The following KIT variants were observed in gnomAD, a reference collection of about 807,000 sequenced individuals.
The protein encoded by KIT is KIT proto-oncogene, receptor tyrosine kinase.
In KIT, 16 loss-of-function variants were observed where a neutral mutation model predicts 105.7. That is an observed-to-expected ratio of 0.15 (90% CI 0.10 to 0.23). The LOEUF (loss-of-function observed/expected upper bound fraction) is 0.23, where lower values mean the gene tolerates loss of function less well. KIT is among the 10% of genes least tolerant of loss of function. KIT has a pLI of 1.00. For missense variants in KIT, 858 were observed against 1,213.8 expected, an observed-to-expected ratio of 0.71 and a Z score of 4.36; for synonymous variants, 438 against 441.1, an observed-to-expected ratio of 0.99 and a Z score of 0.09.
intron 1 of KIT, among the ~76,000 whole-genome samples, chr4:54,659,906 A>G (rs1002696476): frequency 6.6e-6 from 1 of 152,098 alleles, no homozygotes; most frequent in Non-Finnish European, 1.5e-5. Flanking sequence ...GTGTAACGAC[A>G]AAGCCTTGCT....
chr4:54,666,713 C>T (rs1038030252), intron 1 of KIT, among the ~76,000 whole-genome samples: 3 of 152,210 alleles, frequency 2.0e-5, no homozygotes, highest in Non-Finnish European at 4.4e-5. Flanking sequence ...CTCCCCAACT[C>T]AGTTGGTTTG....
rs926833484 is a variant in KIT, at chr4:54,673,510, TTCAA to T, written c.67+15434_67+15437del. ...CCTCCATTTTTAAATCTTCATTTTC[TTCAA>T]TCAACTCATTTCTGAGTTTTAAAAA... is the stretch of plus-strand genomic sequence containing the variant. On this transcript the variant is annotated intron_variant, in intron 1 of 20. Coordinates refer to ENST00000288135, the MANE Select transcript of KIT (RefSeq NM_000222.3). 2.7e-4 allele frequency among the ~76,000 whole-genome samples: 41 copies of T among 152,350 alleles called. No individual in the cohort carries two copies. The Middle Eastern group carries it at 0.01, about 38-fold the overall frequency.
At chr4:54,736,016 G>C (rs985513113) in intron 17 of KIT, among the ~76,000 whole-genome samples, 5 of 152,152 alleles carry the variant, frequency 3.3e-5, no homozygotes, top group Admixed American at 2.6e-4. Flanking sequence ...ATTGTAAGGA[G>C]GTTTTCCTGA....
At chr4:54,727,675 G>T (rs1418635063) in intron 11 of KIT, 133 bp downstream of exon 11, 2 of 1,345,950 alleles carry the variant, frequency 1.5e-6, no homozygotes, top group Non-Finnish European at 2.1e-6. Context: ...CGCCCCTTTT[G>T]ATAGGTTTGC....
chr4:54,718,847 A>G (rs1202761451), intron 7 of KIT, among the ~76,000 whole-genome samples: 1 of 152,228 alleles, frequency 6.6e-6, no homozygotes, highest in Non-Finnish European at 1.5e-5. Context: ...TATAAGACAC[A>G]GTATATGTCC....
In KIT at chr4:54,727,488, A is replaced by G. The variant is rs1060502550; in HGVS notation, c.1720A>G (p.Thr574Ala). Residue 574 changes from threonine to alanine, a missense_variant, in exon 11 of 21, where the codon ACA (threonine) becomes GCA (alanine). Transcript: ENST00000288135. Reference protein sequence around the residue: ...NGNNYVYIDPTQLPYDHKWEF... With the variant: ...NGNNYVYIDPAQLPYDHKWEF... Reference sequence around the variant, plus strand: ...AAACAATTATGTTTACATAGACCCAACACAACTTCCTTATGATCACAAATG... The same window carrying G: ...AAACAATTATGTTTACATAGACCCAGCACAACTTCCTTATGATCACAAATG... The G allele has an allele frequency of 1.2e-6, 2 of 1,614,180 alleles. No individual in the cohort carries two copies. Among genetic ancestry groups the G allele is most frequent in the Non-Finnish European group, 1.7e-6 (2 of 1,180,012 alleles).
intron 1 of KIT, among the ~76,000 whole-genome samples, chr4:54,694,849 A>G (rs539015671): frequency 1.3e-5 from 2 of 152,304 alleles, no homozygotes; most frequent in South Asian, 4.2e-4. Context: ...TAAAATTTCT[A>G]GGGTTCAGGT....
intron 1 of KIT, among the ~76,000 whole-genome samples, chr4:54,681,368 A>T (rs1205566465): frequency 6.6e-6 from 1 of 152,086 alleles, no homozygotes; most frequent in African/African-American, 2.4e-5. Context: ...CTGCTCAGGG[A>T]TGGATCCCAG....
At chr4:54,733,299 A>T (rs949187257) in intron 17 of KIT, 107 bp downstream of exon 17, 106 of 1,296,106 alleles carry the variant, frequency 8.2e-5, no homozygotes, top group Non-Finnish European at 1.0e-4. Flanking sequence ...GTCTAGGGAT[A>T]TCACACATTT....
intron 7 of KIT, among the ~76,000 whole-genome samples, chr4:54,719,579 T>TG (rs397728097): frequency 4.6e-5 from 7 of 152,078 alleles, no homozygotes; most frequent in African/African-American, 1.4e-4. Flanking sequence ...TATTTTTTTT[T>TG]ATCTCCACAG....
chr4:54,680,695 T>C (rs928066944), intron 1 of KIT, among the ~76,000 whole-genome samples: 5 of 152,100 alleles, frequency 3.3e-5, no homozygotes, highest in Admixed American at 3.3e-4. Flanking sequence ...GCCGGCCTTA[T>C]TTGTCTTCCT....
Position 54,681,925 on chromosome 4 carries a change from C to A in KIT, c.68-13587C>A, listed in dbSNP as rs144749635. On this transcript the variant is annotated intron_variant, in intron 1 of 20. Transcript: ENST00000288135. ...CATGGTGGCGGAGGTTGCAGTGAGC[C>A]GAGATCGTGCCACTTCATTCCAGCC... is the stretch of plus-strand genomic sequence containing the variant. Among the ~76,000 whole-genome samples the A allele has an allele frequency of 1.2e-4, 18 of 151,726 alleles. No homozygotes were observed. In the East Asian group the frequency reaches 3.5e-3, roughly 30 times the overall value.
At chr4:54,680,090 C>G (rs1718795383) in intron 1 of KIT, among the ~76,000 whole-genome samples, 1 of 152,090 alleles carries the variant, frequency 6.6e-6, no homozygotes, top group South Asian at 2.1e-4. Context: ...ATGGTGATGG[C>G]CGTACAACAA....
At chr4:54,678,342 T>TTCCCTCCC (rs1718650802) in intron 1 of KIT, among the ~76,000 whole-genome samples, 1 of 93,630 alleles carries the variant, frequency 1.1e-5, no homozygotes, top group African/African-American at 6.5e-5. Context: ...CCTTCCTTCC[T>TTCCCTCCC]TCCTTCCTTC....
chr4:54,690,216 G>A (rs1462709110), intron 1 of KIT, among the ~76,000 whole-genome samples: 1 of 152,174 alleles, frequency 6.6e-6, no homozygotes, highest in Non-Finnish European at 1.5e-5. Flanking sequence ...TGGTGTACAA[G>A]TATGGGTTTG....
chr4:54,682,339 T>C (rs1373520763), intron 1 of KIT, among the ~76,000 whole-genome samples: 1 of 152,076 alleles, frequency 6.6e-6, no homozygotes, highest in African/African-American at 2.4e-5. Context: ...CCTCCCGCCT[T>C]GACCTCCCAA....
chr4:54,674,191 C>T (rs932511525), intron 1 of KIT, among the ~76,000 whole-genome samples: 1 of 152,172 alleles, frequency 6.6e-6, no homozygotes, highest in Non-Finnish European at 1.5e-5. Context: ...ACCTTTGCCC[C>T]TATTTCCTCA....
At chr4:54,690,499 C>T (rs1719635785) in intron 1 of KIT, among the ~76,000 whole-genome samples, 1 of 152,186 alleles carries the variant, frequency 6.6e-6, no homozygotes, top group Non-Finnish European at 1.5e-5. Flanking sequence ...AGCCGTCATT[C>T]CTTATAGTGC....
At chr4:54,671,166 T>A (rs888492703) in intron 1 of KIT, among the ~76,000 whole-genome samples, 4 of 152,168 alleles carry the variant, frequency 2.6e-5, no homozygotes, top group African/African-American at 9.7e-5. Context: ...CACAGTTCCA[T>A]GAAATGATAA....
Sources: gnomAD v4.1 joint callset for allele counts (sites outside exome capture counted in the v4.1 genomes callset) on GRCh38, gnomAD v4.1.1 for gene constraint, MANE v1.5 for transcripts, NCBI Gene and HGNC (gene_info 2026-07-23, HGNC 2026-07-21) for gene names.